The following PAPLN variants were observed in gnomAD, a reference collection of about 807,000 sequenced individuals.
PAPLN encodes papilin, proteoglycan like sulfated glycoprotein.
PAPLN carries 146 observed loss-of-function variants against 159.0 expected under a neutral mutation model. That is an observed-to-expected ratio of 0.92 (90% CI 0.80 to 1.05). PAPLN has a LOEUF of 1.05. Among genes scored for constraint, PAPLN ranks in the 50% least tolerant of loss-of-function variants. PAPLN has a pLI of 0.00. For synonymous variants in PAPLN, 734 were observed against 702.9 expected (o/e 1.04, Z -0.70); for missense variants, 1,720 against 1,743.9 (o/e 0.99, Z 0.24).
At chr14:73,237,804 GA>G (rs1886596928) in intron 1 of PAPLN, among the ~76,000 whole-genome samples, 1 of 152,118 alleles carries the variant, frequency 6.6e-6, no homozygotes, top group African/African-American at 2.4e-5. Context: ...TGGAGGAAAG[GA>G]AATGCAGAGA....
At chr14:73,236,835 G>A (rs1364490990), upstream of PAPLN, among the ~76,000 whole-genome samples, 1 of 144,290 alleles carries the variant, frequency 6.9e-6, no homozygotes, top group Non-Finnish European at 1.5e-5. Flanking sequence ...AAAAAGAAAA[G>A]GAGGGAGGAA....
Position 73,268,591 on chromosome 14 carries a change from G to A in PAPLN, c.3535G>A (p.Val1179Ile). The A allele has an allele frequency of 6.2e-7, 1 of 1,613,748 alleles. No homozygotes were observed. Among genetic ancestry groups the A allele is most frequent in the Non-Finnish European group, 8.5e-7 (1 of 1,179,796 alleles). The change falls in exon 26 of 27, where the codon GTC (valine) becomes ATC (isoleucine). Residue 1179 changes from valine (V) to isoleucine (I), a missense_variant. Val to Ile is a conservative substitution (Grantham distance 29, BLOSUM62 3). Transcript: ENST00000644200. ...GLPVQADGHR[V>I]HQSPDGTLLI... is the part of the protein sequence containing the mutation. ...ACCTGTGCAGGCTGATGGCCACCGT[G>A]TCCACCAGTCCCCAGATGGCACGCT... is the stretch of plus-strand genomic sequence containing the variant.
intron 8 of PAPLN, 31 bp from the exon 9 acceptor site, chr14:73,251,633 C>T (rs1477058282): frequency 1.9e-6 from 3 of 1,613,454 alleles, no homozygotes; most frequent in Non-Finnish European, 2.5e-6. Flanking sequence ...ACTGCTCCCT[C>T]TGGCTGACTG....
Position 73,239,799 on chromosome 14 carries a change from G to T in PAPLN, c.21G>T (p.Val7=). 1 of 1,594,564 alleles carries T rather than the reference G, an allele frequency of 6.3e-7. No homozygotes were observed. The part of the protein sequence containing the change: MRLLLL[V]PLLLAPAPGS... The stretch of plus-strand genomic sequence containing the variant: ...CTGAGATGCGGCTGCTCCTGCTCGT[G>T]CCGCTGCTGCTGGCTCCAGCGCCCG... The change falls in exon 2 of 27, where the codon GTG becomes GTT. Residue 7 remains valine (V), a synonymous_variant. Coordinates refer to ENST00000644200, the MANE Select transcript of PAPLN (RefSeq NM_001365906.3).
chr14:73,269,174 G>A (rs777774269), intron 26 of PAPLN, among the ~76,000 whole-genome samples: 1 of 152,084 alleles, frequency 6.6e-6, no homozygotes, highest in Non-Finnish European at 1.5e-5. Context: ...GAAAGGGCAG[G>A]GATTATCATC....
rs942666488 is a variant in PAPLN, at chr14:73,239,975, C to T, written c.54+143C>T. 2.8e-5 allele frequency: 39 copies of T among 1,409,946 alleles called. 1 individual carries two copies. The African/African-American group carries it at 5.8e-4, about 21-fold the overall frequency. The allele number at this position is 1,409,946 out of a possible 1,614,324, so 87.3% of individuals were successfully genotyped here. On this transcript the variant is annotated intron_variant, in intron 2 of 26. Transcript: ENST00000644200. ...GAGGAGGCGAGCCCGCACCGCTGAGCTCCCTCAGAAAGGGCTGGGCCCTTG... is the reference window on the plus strand; with the variant it reads ...GAGGAGGCGAGCCCGCACCGCTGAGTTCCCTCAGAAAGGGCTGGGCCCTTG...
At chr14:73,237,760 A>G (rs1883120886) in intron 1 of PAPLN, among the ~76,000 whole-genome samples, 168 bp downstream of exon 1, 1 of 152,120 alleles carries the variant, frequency 6.6e-6, no homozygotes, top group Non-Finnish European at 1.5e-5. Flanking sequence ...AGGTGGGCGC[A>G]GGGTCATCGC....
intron 2 of PAPLN, among the ~76,000 whole-genome samples, chr14:73,240,644 A>G (rs1262004232): frequency 6.6e-6 from 1 of 152,014 alleles, no homozygotes; most frequent in African/African-American, 2.4e-5. Context: ...GCTAGTGGCT[A>G]CTGTATTGGA....
intron 6 of PAPLN, among the ~76,000 whole-genome samples, chr14:73,250,421 C>A: frequency 6.6e-6 from 1 of 152,242 alleles, no homozygotes; most frequent in Non-Finnish European, 1.5e-5. Flanking sequence ...GAATGAGGTG[C>A]CACTCGGCTT....
intron 14 of PAPLN, among the ~76,000 whole-genome samples, chr14:73,257,078 C>T (rs979484131): frequency 1.3e-5 from 2 of 152,048 alleles, no homozygotes; most frequent in Admixed American, 1.3e-4. Context: ...CTCAAGGGCT[C>T]CTCCCACATC....
In PAPLN at chr14:73,264,602, G is replaced by T; in HGVS notation, c.3001G>T (p.Val1001Leu). 2 of 1,599,822 alleles carry T rather than the reference G, an allele frequency of 1.3e-6. No homozygotes were observed. Among genetic ancestry groups the T allele is most frequent in the Non-Finnish European group, 1.7e-6 (2 of 1,176,268 alleles). ...QLRIIGGDMA[V>L]LSEAELSRFP... Reference sequence around the variant, plus strand: ...CCTCATGACAGGGGGTGACATGGCCGTGCTGTCTGAGGCTGAGCTGAGCCG... The same window carrying T: ...CCTCATGACAGGGGGTGACATGGCCTTGCTGTCTGAGGCTGAGCTGAGCCG... The change falls in exon 22 of 27, where the codon GTG (valine) becomes TTG (leucine). Residue 1001 changes from valine to leucine, a missense_variant. Coordinates refer to ENST00000644200, the MANE Select transcript of PAPLN (RefSeq NM_001365906.3).
intron 19 of PAPLN, chr14:73,263,184 A>C: frequency 3.1e-6 from 1 of 318,028 alleles, no homozygotes; most frequent in Non-Finnish European, 5.7e-6. Context: ...GACCTGTAAA[A>C]TGGTGGCATT....
At position 73,254,523 on chromosome 14, in the gene PAPLN, G is replaced by A. The variant is rs1215281254; in HGVS notation, c.1313G>A (p.Ser438Asn). ...GCCTTGTCCTTGCAGTGTTCTGTCAGTTGTGGCGTTGGCGTCCGGAAGCGG... is the reference window on the plus strand; with the variant it reads ...GCCTTGTCCTTGCAGTGTTCTGTCAATTGTGGCGTTGGCGTCCGGAAGCGG... ...SPEPWGECSVSCGVGVRKRSV... is the reference protein window; with the variant it reads ...SPEPWGECSVNCGVGVRKRSV... The change falls in exon 13 of 27, where the codon AGT (serine) becomes AAT (asparagine). Residue 438 changes from serine (S) to asparagine (N), a missense_variant. Coordinates refer to ENST00000644200, the MANE Select transcript of PAPLN (RefSeq NM_001365906.3). The A allele has an allele frequency of 6.2e-7, 1 of 1,613,984 alleles. No homozygotes were observed.
chr14:73,246,701 C>T (rs1457188183), intron 5 of PAPLN: 5 of 133,382 alleles, frequency 3.7e-5, no homozygotes, highest in Admixed American at 8.8e-5. Context: ...AGTGTCATGT[C>T]AGCTGGGCAG....
intron 23 of PAPLN, 135 bp from the exon 24 acceptor site, chr14:73,266,366 C>T: frequency 1.8e-6 from 2 of 1,118,288 alleles, no homozygotes; most frequent in Non-Finnish European, 2.5e-6. Flanking sequence ...CCACCAAACA[C>T]TAGGGGATGC....
At chr14:73,264,456 A>G (rs1677620180) in intron 21 of PAPLN, 121 bp downstream of exon 21, 1 of 1,522,418 alleles carries the variant, frequency 6.6e-7, no homozygotes, top group African/African-American at 1.4e-5. Flanking sequence ...CTCTGAGTCA[A>G]TTCCTCCTGC....
chr14:73,263,794 TC>T lies in PAPLN; in HGVS notation c.2861+18del. Reference sequence around the variant, plus strand: ...ATCTCCTCTGACAGGTGGGTGAGAGTCCCCCCACCTCCTCTGACAGGTGTGA... The same window carrying T: ...ATCTCCTCTGACAGGTGGGTGAGAGTCCCCCACCTCCTCTGACAGGTGTGA... On this transcript the variant is annotated intron_variant, in intron 20 of 26. Coordinates refer to ENST00000644200, the MANE Select transcript of PAPLN (RefSeq NM_001365906.3). 1 of 1,586,170 alleles carries T rather than the reference TC, an allele frequency of 6.3e-7. No homozygotes were observed.
chr14:73,250,065 C>A lies in PAPLN; in HGVS notation c.416C>A (p.Thr139Lys), dbSNP rs576678596. ...YKHREAVVDG[T>K]PCEPGKRDVC... ...CACAGGGAGGCTGTGGTTGATGGGA[C>A]GCCCTGCGAGCCTGGCAAGAGGGAT... The change falls in exon 6 of 27, where the codon ACG becomes AAG. Residue 139 changes from threonine (T) to lysine (K), a missense_variant. Coordinates refer to ENST00000644200, the MANE Select transcript of PAPLN (RefSeq NM_001365906.3). 3 of 1,612,984 alleles carry A rather than the reference C, an allele frequency of 1.9e-6. No homozygotes were observed. Among genetic ancestry groups the A allele is most frequent in the Non-Finnish European group, 2.5e-6 (3 of 1,179,564 alleles).
At chr14:73,272,259 C>A in intron 26 of PAPLN, 1 of 388,146 alleles carries the variant, frequency 2.6e-6, no homozygotes, top group East Asian at 3.8e-5. Flanking sequence ...GGGCTGAGGC[C>A]ACAAATAATA....
Sources: allele counts gnomAD v4.1 joint callset (sites outside exome capture counted in the v4.1 genomes callset), GRCh38; gene constraint gnomAD v4.1.1; transcripts MANE v1.5; gene names NCBI Gene and HGNC (gene_info 2026-07-23, HGNC 2026-07-21).